Variants in NUP214 observed in about 807,000 individuals in gnomAD.
NUP214 encodes the protein nuclear pore complex protein Nup214.
In NUP214, 79 loss-of-function variants were observed where a neutral mutation model predicts 196.2. The observed-to-expected ratio is 0.40, with a 90% CI of 0.34 to 0.49. The LOEUF is 0.49. NUP214 is among the 20% of genes least tolerant of loss of function. NUP214 has a pLI of 0.58. For synonymous variants in NUP214, 1,020 were observed against 990.5 expected, an observed-to-expected ratio of 1.03 and a Z score of -0.56; for missense variants, 2,468 against 2,539.0, an observed-to-expected ratio of 0.97 and a Z score of 0.60.
intron 25 of NUP214, among the ~76,000 whole-genome samples, 175 bp downstream of exon 25, chr9:131,187,539 A>C (rs1833489022): frequency 6.6e-6 from 1 of 152,036 alleles, no homozygotes; most frequent in Non-Finnish European, 1.5e-5. Flanking sequence ...GGCACCCACC[A>C]CCATGCCCAG....
chr9:131,192,364 T>C (rs1443427045), intron 27 of NUP214, 72 bp downstream of exon 27: 2 of 916,256 alleles, frequency 2.2e-6, no homozygotes, highest in Admixed American at 2.1e-5. Flanking sequence ...ATTATAGATA[T>C]ATTTATTTAC....
intron 24 of NUP214, among the ~76,000 whole-genome samples, chr9:131,179,238 G>A (rs1056148284): frequency 3.3e-5 from 5 of 152,252 alleles, no homozygotes; most frequent in Admixed American, 2.6e-4. Flanking sequence ...CTGGGCTCAA[G>A]TGATCCTCTC....
chr9:131,130,728 T>C, intron 4 of NUP214, 38 bp from the exon 5 acceptor site: 1 of 1,586,844 alleles, frequency 6.3e-7, no homozygotes, highest in Non-Finnish European at 8.7e-7. Flanking sequence ...GTTTGCTCCA[T>C]TTTCTTGTTT....
chr9:131,207,827 G>A (rs1464588093), intron 30 of NUP214, among the ~76,000 whole-genome samples: 2 of 152,226 alleles, frequency 1.3e-5, no homozygotes, highest in African/African-American at 4.8e-5. Context: ...AGCTGCTGGG[G>A]GCAGATGCCA....
At chr9:131,206,859 T>C (rs923751183) in intron 30 of NUP214, among the ~76,000 whole-genome samples, 21 of 152,232 alleles carry the variant, frequency 1.4e-4, no homozygotes, top group African/African-American at 5.1e-4. Context: ...AAACTCCATA[T>C]TGTTACTTCC....
At chr9:131,199,772 A>G (rs1175960145) in intron 29 of NUP214, among the ~76,000 whole-genome samples, 4 of 152,234 alleles carry the variant, frequency 2.6e-5, no homozygotes, top group Non-Finnish European at 5.9e-5. Flanking sequence ...GCAAGGATCA[A>G]TGATTTCATG....
intron 31 of NUP214, among the ~76,000 whole-genome samples, chr9:131,216,972 G>T (rs775295169): frequency 6.6e-6 from 1 of 152,144 alleles, no homozygotes; most frequent in Non-Finnish European, 1.5e-5. Context: ...CATTTAATGT[G>T]CCCTACATGA....
At chr9:131,212,594 C>T (rs769113241) in intron 30 of NUP214, among the ~76,000 whole-genome samples, 22 of 152,274 alleles carry the variant, frequency 1.4e-4, no homozygotes, top group Non-Finnish European at 2.8e-4. Context: ...GCTGGTTCCC[C>T]GATAGCCATC....
At position 131,228,211 on chromosome 9, in the gene NUP214, C is replaced by A. The variant is rs1390476318; in HGVS notation, c.5954C>A (p.Ser1985Tyr). Residue 1985 changes from serine to tyrosine, a missense_variant, in exon 33 of 36, where the codon TCC becomes TAC. Ser to Tyr is a moderately radical substitution (Grantham distance 144). Coordinates refer to ENST00000359428, the MANE Select transcript of NUP214 (RefSeq NM_005085.4). ...VFGSPPTFGGSPGFGGVPAFG... is the reference protein window; with the variant it reads ...VFGSPPTFGGYPGFGGVPAFG... ...GGCAGCCCTCCTACTTTTGGGGGAT[C>A]CCCTGGGTTTGGAGGGGTGCCAGCA... 6.2e-7 allele frequency: 1 copy of A among 1,604,858 alleles called. No individual in the cohort carries two copies. The highest frequency in any genetic ancestry group is 8.5e-7 in the Non-Finnish European group (1 of 1,176,502).
chr9:131,151,585 A>ACG, intron 16 of NUP214, 151 bp from the exon 17 acceptor site: 1 of 554,562 alleles, frequency 1.8e-6, no homozygotes, highest in Non-Finnish European at 3.2e-6. Flanking sequence ...TGTCGTTCTA[A>ACG]ACAGTTAAAT....
intron 30 of NUP214, among the ~76,000 whole-genome samples, chr9:131,213,176 C>A (rs1834292854): frequency 6.7e-6 from 1 of 149,886 alleles, no homozygotes. Context: ...TTTATCAAAT[C>A]ACTTTTTTTT....
intron 21 of NUP214, among the ~76,000 whole-genome samples, chr9:131,173,403 C>T (rs979761114): frequency 1.4e-5 from 2 of 138,662 alleles, no homozygotes; most frequent in Admixed American, 7.3e-5. Flanking sequence ...ACTCTGTTAC[C>T]CTATTTTTTG....
chr9:131,184,335 CTTT>C (rs544235064), intron 24 of NUP214, among the ~76,000 whole-genome samples: 4 of 93,640 alleles, frequency 4.3e-5, no homozygotes, highest in Admixed American at 1.1e-4. Context: ...CGGCCTCTCT[CTTT>C]TTTTTTTTTT....
intron 22 of NUP214, 88 bp from the exon 23 acceptor site, chr9:131,175,372 C>T: frequency 1.4e-6 from 2 of 1,438,836 alleles, no homozygotes; most frequent in South Asian, 1.3e-5. Flanking sequence ...ATTTTCCCTG[C>T]AGTCGAACAT....
At chr9:131,225,683 G>C (rs548863604) in intron 32 of NUP214, among the ~76,000 whole-genome samples, 2 of 152,312 alleles carry the variant, frequency 1.3e-5, no homozygotes, top group South Asian at 4.1e-4. Context: ...TTCTGGGAGA[G>C]CTTTTTCTAT....
intron 9 of NUP214, 123 bp from the exon 10 acceptor site, chr9:131,139,158 C>G (rs1377440866): frequency 8.7e-7 from 1 of 1,150,680 alleles, no homozygotes; most frequent in Admixed American, 3.9e-5. Flanking sequence ...GAGTCTAAAC[C>G]AAGTGAGTCA....
chr9:131,194,923 A>C (rs1279104910), intron 27 of NUP214, among the ~76,000 whole-genome samples: 3 of 152,056 alleles, frequency 2.0e-5, no homozygotes, highest in Non-Finnish European at 4.4e-5. Flanking sequence ...ATGTGTCTCT[A>C]CTGCTGCAGC....
At chr9:131,189,725 A>G (rs1232846874) in intron 26 of NUP214, among the ~76,000 whole-genome samples, 2 of 152,206 alleles carry the variant, frequency 1.3e-5, no homozygotes, top group Non-Finnish European at 2.9e-5. Context: ...TTGACCAGAC[A>G]CTTTGTCCAA....
At chr9:131,128,116 G>A (rs1245856824) in intron 2 of NUP214, among the ~76,000 whole-genome samples, 1 of 152,202 alleles carries the variant, frequency 6.6e-6, no homozygotes, top group Admixed American at 6.5e-5. Flanking sequence ...AGCAGCCACA[G>A]TTAGTTTCCC....
Sources: allele counts gnomAD v4.1 joint callset (sites outside exome capture counted in the v4.1 genomes callset), GRCh38; gene constraint gnomAD v4.1.1; transcripts MANE v1.5; gene names NCBI Gene and HGNC (gene_info 2026-07-23, HGNC 2026-07-21).